Variants in SLC2A9 observed in about 807,000 individuals in gnomAD.
SLC2A9 encodes solute carrier family 2, facilitated glucose transporter member 9.
Under a neutral mutation model 50.6 loss-of-function variants are expected in SLC2A9, and 39 were observed. The observed-to-expected ratio is 0.77, with a 90% CI of 0.60 to 1.01. The LOEUF (loss-of-function observed/expected upper bound fraction) is 1.01. Ranked by LOEUF, SLC2A9 falls within the 50% of genes least tolerant of loss-of-function variation. SLC2A9 has a pLI of 0.00. For missense variants in SLC2A9, 686 were observed against 677.6 expected (o/e 1.01, Z -0.14); for synonymous variants, 324 against 276.9 (o/e 1.17, Z -1.69).
At chr4:9,973,087 G>A (rs1754178869) in intron 5 of SLC2A9, among the ~76,000 whole-genome samples, 1 of 152,066 alleles carries the variant, frequency 6.6e-6, no homozygotes, top group South Asian at 2.1e-4. Context: ...ATCCAAATAA[G>A]CACAATCAGA....
intron 11 of SLC2A9, among the ~76,000 whole-genome samples, chr4:9,827,779 C>A (rs1725382580): frequency 6.6e-6 from 1 of 152,172 alleles, no homozygotes; most frequent in Non-Finnish European, 1.5e-5. Context: ...TCTGCTCGTA[C>A]AAAGACTTCA....
chr4:9,926,520 C>T (rs983352093), intron 6 of SLC2A9, among the ~76,000 whole-genome samples: 3 of 151,640 alleles, frequency 2.0e-5, no homozygotes, highest in East Asian at 3.9e-4. Context: ...GTCCTCAGAA[C>T]GGTATCTGGC....
chr4:9,934,773 C>A (rs1278903388), intron 6 of SLC2A9, among the ~76,000 whole-genome samples: 1 of 152,192 alleles, frequency 6.6e-6, no homozygotes, highest in Non-Finnish European at 1.5e-5. Flanking sequence ...TTAAGTCCTG[C>A]ATGCATTAGC....
chr4:9,940,605 C>T (rs1161900667), intron 6 of SLC2A9, among the ~76,000 whole-genome samples: 1 of 152,156 alleles, frequency 6.6e-6, no homozygotes, highest in Non-Finnish European at 1.5e-5. Context: ...TAAACCAAAA[C>T]CCACAGCTTT....
intron 6 of SLC2A9, among the ~76,000 whole-genome samples, chr4:9,935,878 G>A (rs1746978969): frequency 6.6e-6 from 1 of 152,194 alleles, no homozygotes; most frequent in Non-Finnish European, 1.5e-5. Flanking sequence ...ATTAAAATGA[G>A]CACTGCTGCC....
intron 5 of SLC2A9, among the ~76,000 whole-genome samples, chr4:9,954,952 G>A (rs71603978): frequency 0.062 from 9,511 of 152,202 alleles, 794 homozygotes; most frequent in East Asian, 0.46. Flanking sequence ...TCAGGAGTTG[G>A]GCGAGTGGGC....
At chr4:9,833,581 C>T (rs1177487711) in intron 11 of SLC2A9, among the ~76,000 whole-genome samples, 1 of 152,170 alleles carries the variant, frequency 6.6e-6, no homozygotes, top group African/African-American at 2.4e-5. Context: ...AGAGCAACTG[C>T]TCCGTAACTG....
At chr4:9,893,668 A>G (rs1417608413) in intron 8 of SLC2A9, among the ~76,000 whole-genome samples, 1 of 152,246 alleles carries the variant, frequency 6.6e-6, no homozygotes, top group South Asian at 2.1e-4. Flanking sequence ...GGGTTTCATC[A>G]AAGAGGAGAC....
intron 11 of SLC2A9, among the ~76,000 whole-genome samples, chr4:9,833,272 C>T (rs16889260): frequency 0.2 from 30,106 of 152,112 alleles, 3,030 homozygotes; most frequent in Admixed American, 0.26. Flanking sequence ...GCAGCCCTTA[C>T]GTTTCAGAAA....
intron 5 of SLC2A9, among the ~76,000 whole-genome samples, chr4:9,973,904 A>T (rs1188062444): frequency 6.6e-6 from 1 of 152,120 alleles, no homozygotes; most frequent in Non-Finnish European, 1.5e-5. Flanking sequence ...TCCCTGATGA[A>T]CATAGATGAA....
chr4:10,016,418 G>A (rs1762615375), intron 2 of SLC2A9, among the ~76,000 whole-genome samples: 1 of 152,146 alleles, frequency 6.6e-6, no homozygotes, highest in Admixed American at 6.6e-5. Context: ...AGGGTGCACT[G>A]AGCTGATTAA....
intron 1 of SLC2A9, among the ~76,000 whole-genome samples, chr4:9,773,721 G>C (rs1194215971): frequency 6.6e-6 from 1 of 152,184 alleles, no homozygotes; most frequent in African/African-American, 2.4e-5. Flanking sequence ...TGATGAGGCT[G>C]AGCTCTGACA....
intron 10 of SLC2A9, among the ~76,000 whole-genome samples, chr4:9,867,315 A>G (rs1577605767): frequency 6.6e-6 from 1 of 152,156 alleles, no homozygotes; most frequent in Admixed American, 6.6e-5. Flanking sequence ...CCGCTCCCCA[A>G]CCCAGCCTGC....
At chr4:9,782,893 C>T (rs1398987731) in intron 3 of SLC2A9, 3 of 1,613,908 alleles carry the variant, frequency 1.9e-6, no homozygotes, top group Non-Finnish European at 2.5e-6. Flanking sequence ...GCGCTTCCAT[C>T]AAGAAGGAGA....
rs1264208850 is a variant in SLC2A9 at position 10,001,858 on chromosome 4, A to C, written c.250-4917T>G. 2.0e-5 allele frequency among the ~76,000 whole-genome samples: 3 copies of C among 152,242 alleles called. No homozygotes were observed. In the East Asian group the frequency reaches 5.8e-4, roughly 29 times the overall value. On this transcript the variant is annotated intron_variant, in intron 2 of 11. Coordinates refer to ENST00000264784, the MANE Select transcript of SLC2A9 (RefSeq NM_020041.3). ...CCCGCCTGGGAGACTTTCCTGCCTC[A>C]GAATCCTGAGTGGGGAAACAAAGGA...
intron 5 of SLC2A9, among the ~76,000 whole-genome samples, chr4:9,962,028 T>C (rs891026401): frequency 3.3e-5 from 5 of 152,182 alleles, no homozygotes; most frequent in African/African-American, 1.2e-4. Flanking sequence ...ACCAATCTCA[T>C]GCCAGTCAGA....
At chr4:10,032,233 G>A (rs1763960901) in intron 1 of SLC2A9, among the ~76,000 whole-genome samples, 2 of 152,172 alleles carry the variant, frequency 1.3e-5, no homozygotes, top group South Asian at 2.1e-4. Flanking sequence ...GGCAATATCA[G>A]GAAATTCTGA....
At chr4:10,019,151 C>G in intron 1 of SLC2A9, 78 bp from the exon 2 acceptor site, 2 of 1,213,240 alleles carry the variant, frequency 1.6e-6, no homozygotes, top group East Asian at 2.5e-5. Context: ...AACGTTCCCT[C>G]AGCTGGGGGA....
chr4:9,923,856 C>A (rs1322595074), intron 6 of SLC2A9: 1 of 152,344 alleles, frequency 6.6e-6, no homozygotes, highest in East Asian at 1.9e-4. Flanking sequence ...CTGGCTCTTT[C>A]CTCAATCTGG....
Sources: gnomAD v4.1 joint callset for allele counts (sites outside exome capture counted in the v4.1 genomes callset) on GRCh38, gnomAD v4.1.1 for gene constraint, MANE v1.5 for transcripts, NCBI Gene and HGNC (gene_info 2026-07-23, HGNC 2026-07-21) for gene names.